The following ANPEP variants were observed in gnomAD, a reference collection of about 807,000 sequenced individuals.
ANPEP encodes aminopeptidase N.
Under a neutral mutation model 114.6 loss-of-function variants are expected in ANPEP, and 70 were observed. The ratio of observed to expected loss-of-function variants is 0.61; its 90% CI spans 0.50 to 0.75. ANPEP has a LOEUF of 0.75. ANPEP is among the 30% of genes least tolerant of loss of function. The pLI, the probability that ANPEP is intolerant of heterozygous loss-of-function variation, is 0.00. For synonymous variants in ANPEP, 548 were observed against 522.3 expected (o/e 1.05, Z -0.67); for missense variants, 1,184 against 1,259.5 (o/e 0.94, Z 0.91).
chr15:89,792,254 C>T lies in ANPEP; in HGVS notation c.2434G>A (p.Ala812Thr), dbSNP rs759355791. Residue 812 changes from alanine (A) to threonine (T), a missense_variant, in exon 18 of 21, where the codon GCC (alanine) becomes ACC (threonine). By Grantham distance (58) the Ala-to-Thr change is moderately conservative (BLOSUM62 0). Coordinates refer to ENST00000300060, the MANE Select transcript of ANPEP (RefSeq NM_001150.3). ...GTGGCATTTCGGAACTGCTCCCAGG[C>T]GAAGTCCCACTCCTCCTCCCCGCCC... Reference protein sequence around the residue: ...AQGGEEEWDFAWEQFRNATLV... With the variant: ...AQGGEEEWDFTWEQFRNATLV... 6 of 1,614,094 alleles carry T rather than the reference C, an allele frequency of 3.7e-6. No homozygotes were observed. The highest frequency in any genetic ancestry group is 2.2e-5 in the East Asian group (1 of 44,900).
At chr15:89,793,258 A>T in intron 15 of ANPEP, 132 bp from the exon 16 acceptor site, 1 of 698,924 alleles carries the variant, frequency 1.4e-6, no homozygotes, top group Non-Finnish European at 2.5e-6. Flanking sequence ...GAGGCCAAAC[A>T]GTGCTCAAAG....
intron 19 of ANPEP, 144 bp from the exon 20 acceptor site, chr15:89,790,685 C>G (rs1429885641): frequency 3.7e-6 from 3 of 805,146 alleles, no homozygotes; most frequent in Non-Finnish European, 6.1e-6. Flanking sequence ...GGGGGAGTCA[C>G]AGCTTGAACA....
At chr15:89,808,217 C>A (rs1894758381) in intron 1 of ANPEP, among the ~76,000 whole-genome samples, 1 of 152,186 alleles carries the variant, frequency 6.6e-6, no homozygotes, top group African/African-American at 2.4e-5. Context: ...AACCTGTTCC[C>A]TCTGCCTGGA....
intron 6 of ANPEP, 104 bp downstream of exon 6, chr15:89,804,149 G>A (rs1894657118): frequency 9.6e-6 from 15 of 1,568,810 alleles, no homozygotes; most frequent in Non-Finnish European, 1.3e-5. Flanking sequence ...CTGCCAGGCG[G>A]CACCCTCCTC....
Position 89,811,845 on chromosome 15 carries a change from TTTC to T in ANPEP, c.-224+2924_-224+2926del, listed in dbSNP as rs1399152702. Among the ~76,000 whole-genome samples, 4 of 152,130 alleles carry T rather than the reference TTTC, an allele frequency of 2.6e-5. No homozygotes were observed. The East Asian group carries it at 5.8e-4, about 22-fold the overall frequency. ...ATGCATGTGTTCCTTTCGCTGTGAA[TTTC>T]TTGACGGGGTAGAAGCCGAGCTCTC... On this transcript the variant is annotated intron_variant, in intron 1 of 20. Transcript: ENST00000300060.
At chr15:89,786,756 T>C (rs1299618823) in intron 20 of ANPEP, among the ~76,000 whole-genome samples, 2 of 150,508 alleles carry the variant, frequency 1.3e-5, no homozygotes, top group African/African-American at 4.9e-5. Context: ...TACAAAACTA[T>C]AGTAATCAGG....
chr15:89,795,272 G>A (rs930526389), intron 15 of ANPEP, among the ~76,000 whole-genome samples: 1 of 152,024 alleles, frequency 6.6e-6, no homozygotes, highest in Admixed American at 6.6e-5. Flanking sequence ...AACCTCCCAG[G>A]GGGCAGAATA....
At chr15:89,795,078 A>T in intron 15 of ANPEP, among the ~76,000 whole-genome samples, 1 of 142,284 alleles carries the variant, frequency 7.0e-6, no homozygotes. Flanking sequence ...ACTCAAGAGG[A>T]AACGAGTCAA....
At chr15:89,791,267 C>G (rs1388098455) in intron 18 of ANPEP, among the ~76,000 whole-genome samples, 174 bp from the exon 19 acceptor site, 1 of 152,160 alleles carries the variant, frequency 6.6e-6, no homozygotes. Flanking sequence ...ACTGAGTCAC[C>G]TAAGCAGGGT....
rs1324818496 is a variant in ANPEP at position 89,814,835 on chromosome 15, C to G, written c.-287G>C. ...GGCGGGTTCCGAGCTGCGCCGCCGC[C>G]GTCCCTGCCCCTCCAGCACTGGACT... On this transcript the variant is annotated 5_prime_UTR_variant, in exon 1 of 21. Transcript: ENST00000300060. 6.5e-6 allele frequency: 1 copy of G among 152,834 alleles called. No individual in the cohort carries two copies. Among genetic ancestry groups the G allele is most frequent in the African/African-American group, 2.4e-5 (1 of 41,464 alleles). The allele number at this position is 152,834 out of a possible 1,614,324, so 9.5% of individuals were successfully genotyped here.
chr15:89,792,499 C>A lies in ANPEP; in HGVS notation c.2313G>T (p.Met771Ile), dbSNP rs748428640. Residue 771 changes from methionine to isoleucine, a missense_variant, in exon 17 of 21, where the codon ATG becomes ATT. Met to Ile is a conservative substitution (Grantham distance 10, BLOSUM62 1). Coordinates refer to ENST00000300060, the MANE Select transcript of ANPEP (RefSeq NM_001150.3). ...CSNGVPECEE[M>I]VSGLFKQWME... ...TCCACTGCTTGAAAAGGCCAGAGAC[C>A]ATCTCCTCACACTCTGGAACTCCGT... 2 of 1,614,032 alleles carry A rather than the reference C, an allele frequency of 1.2e-6. No homozygotes were observed. Among genetic ancestry groups the A allele is most frequent in the African/African-American group, 2.7e-5 (2 of 74,908 alleles).
intron 20 of ANPEP, among the ~76,000 whole-genome samples, chr15:89,789,265 C>T (rs1009248102): frequency 1.3e-5 from 2 of 151,688 alleles, no homozygotes; most frequent in African/African-American, 4.8e-5. Flanking sequence ...CAGGTGTGAG[C>T]CACCACGCCC....
At chr15:89,791,428 T>A (rs1968622144) in intron 18 of ANPEP, among the ~76,000 whole-genome samples, 1 of 150,538 alleles carries the variant, frequency 6.6e-6, no homozygotes, top group Non-Finnish European at 1.5e-5. Flanking sequence ...TCTTTTCTTT[T>A]CTTTTCTTTT....
At chr15:89,798,585 C>G (rs1375012545) in intron 14 of ANPEP, among the ~76,000 whole-genome samples, 1 of 150,672 alleles carries the variant, frequency 6.6e-6, no homozygotes, top group Non-Finnish European at 1.5e-5. Flanking sequence ...CGTAGTGAGC[C>G]AAGATCACGC....
Position 89,804,388 on chromosome 15 carries a change from G to T in ANPEP, c.1044C>A (p.Asp348Glu), listed in dbSNP as rs1182896667. ...AGTTCTCCATGGCGCCGGCGTTGAAGTCTGGCAGGCCAATCTGGTCTGGGG... is the reference window on the plus strand; with the variant it reads ...AGTTCTCCATGGCGCCGGCGTTGAATTCTGGCAGGCCAATCTGGTCTGGGG... ...LPKSDQIGLP[D>E]FNAGAMENWG... The change falls in exon 6 of 21, where the codon GAC becomes GAA. Residue 348 changes from aspartate (D) to glutamate (E), a missense_variant. By Grantham distance (45) the Asp-to-Glu change is conservative. Transcript: ENST00000300060. 5.6e-6 allele frequency: 9 copies of T among 1,614,242 alleles called. No homozygotes were observed. Among genetic ancestry groups the T allele is most frequent in the Non-Finnish European group, 7.6e-6 (9 of 1,180,032 alleles).
At chr15:89,805,578 C>G in intron 2 of ANPEP, 115 bp from the exon 3 acceptor site, 1 of 1,405,176 alleles carries the variant, frequency 7.1e-7, no homozygotes, top group East Asian at 2.5e-5. Context: ...CCAGCCTAAC[C>G]CCTGCTCCTG....
At chr15:89,808,018 T>G (rs1894752872) in intron 1 of ANPEP, among the ~76,000 whole-genome samples, 2 of 152,156 alleles carry the variant, frequency 1.3e-5, no homozygotes, top group Admixed American at 1.3e-4. Flanking sequence ...TTGAACCTGC[T>G]CAACACAAAT....
At position 89,803,822 on chromosome 15, in the gene ANPEP, G is replaced by A; in HGVS notation, c.1294-32C>T. On this transcript the variant is annotated intron_variant, in intron 7 of 20. Transcript: ENST00000300060. This position sits in a 1 kb window ranked among gnomAD's most constrained non-coding sequence, Gnocchi z 4.2. ...ATTCCCCAGGGCCATCAGGAGACTGGCCTGGTAGCGGTGGCCCAGGTCTCC... is the reference window on the plus strand; with the variant it reads ...ATTCCCCAGGGCCATCAGGAGACTGACCTGGTAGCGGTGGCCCAGGTCTCC... 2 of 1,611,756 alleles carry A rather than the reference G, an allele frequency of 1.2e-6. No homozygotes were observed. The highest frequency in any genetic ancestry group is 1.7e-6 in the Non-Finnish European group (2 of 1,178,292).
At chr15:89,792,917 G>T in intron 16 of ANPEP, 118 bp downstream of exon 16, 1 of 899,284 alleles carries the variant, frequency 1.1e-6, no homozygotes, top group Non-Finnish European at 1.8e-6. Context: ...CCTGGGTGGG[G>T]GTCTCTCCCT....
Sources: gnomAD v4.1 joint callset for allele counts (sites outside exome capture counted in the v4.1 genomes callset) on GRCh38, gnomAD v4.1.1 for gene constraint, Gnocchi (gnomAD v3.1) non-coding constraint, MANE v1.5 for transcripts, NCBI Gene and HGNC (gene_info 2026-07-23, HGNC 2026-07-21) for gene names.